HELQ: variants seen among roughly 807,000 people sequenced by gnomAD.
HELQ encodes the protein helicase POLQ-like.
Under a neutral mutation model 111.6 loss-of-function variants are expected in HELQ, and 77 were observed. That is an observed-to-expected ratio of 0.69 (90% CI 0.57 to 0.83). HELQ has a LOEUF of 0.83. Among genes scored for constraint, HELQ ranks in the 40% least tolerant of loss-of-function variants. The pLI is 0.00. For synonymous variants in HELQ, 438 were observed against 454.7 expected (o/e 0.96, Z 0.47); for missense variants, 1,200 against 1,288.5 (o/e 0.93, Z 1.05).
intron 9 of HELQ, among the ~76,000 whole-genome samples, chr4:83,434,618 A>T (rs1029671968): frequency 6.6e-6 from 1 of 151,836 alleles, no homozygotes; most frequent in Non-Finnish European, 1.5e-5. Flanking sequence ...GTATGCCACC[A>T]TGCCCAGCTA....
chr4:83,439,219 C>A (rs1720629202), intron 8 of HELQ, among the ~76,000 whole-genome samples: 2 of 152,006 alleles, frequency 1.3e-5, no homozygotes, highest in African/African-American at 4.8e-5. Context: ...AGGTGCACGC[C>A]ACCACACCCA....
chr4:83,455,844 A>G, upstream of HELQ: 1 of 820,638 alleles, frequency 1.2e-6, no homozygotes, highest in Non-Finnish European at 1.9e-6. Context: ...GACCGGAAGC[A>G]CGCATAAACT....
At position 83,427,249 on chromosome 4, in the gene HELQ, A is replaced by G. The variant is rs184913298; in HGVS notation, c.2676+314T>C. ...TAAGAGAAAAGTAACATTAAAGTTA[A>G]ACGAACCATAAATGCTGTTGCCAGA... is the stretch of plus-strand genomic sequence containing the variant. On this transcript the variant is annotated intron_variant, in intron 13 of 17. Transcript: ENST00000295488. Among the ~76,000 whole-genome samples, 777 of 152,314 alleles carry G rather than the reference A, an allele frequency of 5.1e-3. 8 individuals are homozygous for G. The highest frequency in any genetic ancestry group is 0.036 in the South Asian group (173 of 4,828).
intron 7 of HELQ, 48 bp from the exon 8 acceptor site, chr4:83,440,056 C>A (rs745974705): frequency 2.2e-5 from 33 of 1,474,106 alleles, no homozygotes; most frequent in Non-Finnish European, 3.1e-5. Flanking sequence ...AAACATGAAA[C>A]CCTGTCAATT....
chr4:83,429,644 C>T lies in HELQ; in HGVS notation c.2398G>A (p.Val800Ile). Residue 800 changes from valine to isoleucine, a missense_variant, in exon 12 of 18, where the codon GTT becomes ATT. Physicochemically the swap from Val to Ile is conservative, Grantham distance 29. This residue lies in a region of HELQ where 585 missense variants were observed against 665.3 expected (regional missense o/e 0.88). Transcript: ENST00000295488. ...LKEKSLWEITVESLRYLTEKG... is the reference protein window; with the variant it reads ...LKEKSLWEITIESLRYLTEKG... ...TCTGTCAGGTATCTAAGTGATTCAACAGTTATTTCCCAGAGACTTTTTTCT... is the reference window on the plus strand; with the variant it reads ...TCTGTCAGGTATCTAAGTGATTCAATAGTTATTTCCCAGAGACTTTTTTCT... 1 of 1,612,788 alleles carries T rather than the reference C, an allele frequency of 6.2e-7. No individual in the cohort carries two copies. Among genetic ancestry groups the T allele is most frequent in the Non-Finnish European group, 8.5e-7 (1 of 1,178,994 alleles).
chr4:83,425,467 T>G (rs534055816), intron 14 of HELQ, among the ~76,000 whole-genome samples: 1 of 152,218 alleles, frequency 6.6e-6, no homozygotes, highest in Non-Finnish European at 1.5e-5. Context: ...AGTTAGTGTA[T>G]GCATTTGATA....
intron 15 of HELQ, among the ~76,000 whole-genome samples, chr4:83,418,666 G>A (rs1405185496): frequency 6.6e-6 from 1 of 152,110 alleles, no homozygotes; most frequent in Non-Finnish European, 1.5e-5. Context: ...GGGTAAATGG[G>A]AATTCAATAT....
rs774592312 is a variant in HELQ at position 83,416,703 on chromosome 4, A to G, written c.3198+28T>C. 9 of 1,607,308 alleles carry G rather than the reference A, an allele frequency of 5.6e-6. No homozygotes were observed. In the South Asian group the frequency reaches 1.0e-4, roughly 18 times the overall value. On this transcript the variant is annotated intron_variant, in intron 17 of 17. Coordinates refer to ENST00000295488, the MANE Select transcript of HELQ (RefSeq NM_133636.5). ...GGAAATAACACTACGCAAGATTATT[A>G]AGGTTAAAAAATGGTTTGTTTGCTT...
At chr4:83,451,650 C>T (rs951378059) in intron 2 of HELQ, among the ~76,000 whole-genome samples, 5 of 149,600 alleles carry the variant, frequency 3.3e-5, no homozygotes, top group South Asian at 2.1e-4. Flanking sequence ...GGGCAACACG[C>T]GAGACTCCGT....
In HELQ at chr4:83,429,572, C is replaced by T. The variant is rs1271886793; in HGVS notation, c.2470G>A (p.Val824Ile). 2.5e-6 allele frequency: 4 copies of T among 1,612,106 alleles called. No homozygotes were observed. Among genetic ancestry groups the T allele is most frequent in the Non-Finnish European group, 2.5e-6 (3 of 1,179,078 alleles). The change falls in exon 12 of 18, where the codon GTC (valine) becomes ATC (isoleucine). Residue 824 changes from valine to isoleucine, a missense_variant. Around this residue, in one of 3 missense-constraint regions of HELQ, gnomAD observed 585 missense variants for 665.3 expected, o/e 0.88. Coordinates refer to ENST00000295488, the MANE Select transcript of HELQ (RefSeq NM_133636.5). ...TTTGTAATATGAAAATTATATTGGACCTCTTCTTCAGACTTATAAATAGTG... is the reference window on the plus strand; with the variant it reads ...TTTGTAATATGAAAATTATATTGGATCTCTTCTTCAGACTTATAAATAGTG... ...KDTIYKSEEE[V>I]QYNFHITKLG... is the part of the protein sequence containing the mutation.
rs778403192 is a variant in HELQ at position 83,446,883 on chromosome 4, C to A, written c.1344G>T (p.Leu448Phe). Residue 448 changes from leucine (L) to phenylalanine (F), a missense_variant, in exon 4 of 18, where the codon TTG becomes TTT. Leu to Phe is a conservative substitution (Grantham distance 22, BLOSUM62 0). Coordinates refer to ENST00000295488, the MANE Select transcript of HELQ (RefSeq NM_133636.5). Reference sequence around the variant, plus strand: ...GACTGTCAATTCTTCCAGTTTCAATCAAGGAGTTCACCAAGCTATGTCCTT... The same window carrying A: ...GACTGTCAATTCTTCCAGTTTCAATAAAGGAGTTCACCAAGCTATGTCCTT... The part of the protein sequence containing the change: ...IEKGHSLVNS[L>F]IETGRIDSLG... 3.1e-6 allele frequency: 5 copies of A among 1,613,846 alleles called. No homozygotes were observed. The Admixed American group carries it at 8.3e-5, about 27-fold the overall frequency.
intron 9 of HELQ, among the ~76,000 whole-genome samples, chr4:83,434,915 G>A (rs2109992417): frequency 6.6e-6 from 1 of 152,002 alleles, no homozygotes; most frequent in East Asian, 1.9e-4. Context: ...CAGAGATAAT[G>A]GGAAGAAAAA....
chr4:83,418,381 C>T (rs112499444), intron 15 of HELQ, among the ~76,000 whole-genome samples, 175 bp from the exon 16 acceptor site: 1 of 151,828 alleles, frequency 6.6e-6, no homozygotes, highest in Non-Finnish European at 1.5e-5. Flanking sequence ...TGGGGAGGAC[C>T]CTGAGGAATT....
At chr4:83,427,510 A>C in intron 13 of HELQ, 53 bp downstream of exon 13, 1 of 1,388,522 alleles carries the variant, frequency 7.2e-7, no homozygotes. Flanking sequence ...ACAAAACAGC[A>C]TGTAATAATT....
At chr4:83,429,967 C>T (rs1720052581) in intron 11 of HELQ, among the ~76,000 whole-genome samples, 1 of 151,728 alleles carries the variant, frequency 6.6e-6, no homozygotes, top group Non-Finnish European at 1.5e-5. Flanking sequence ...TTTATGAAAA[C>T]ATGTACTCAT....
At chr4:83,452,785 C>A (rs1347833103) in intron 2 of HELQ, among the ~76,000 whole-genome samples, 1 of 152,132 alleles carries the variant, frequency 6.6e-6, no homozygotes, top group Non-Finnish European at 1.5e-5. Flanking sequence ...TGTGTTTAGA[C>A]GTCTCAGTCA....
rs965766536 is a variant in HELQ, at chr4:83,432,167, C to T, written c.2149G>A (p.Gly717Arg). The T allele has an allele frequency of 6.2e-7, 1 of 1,600,960 alleles. No homozygotes were observed. Among genetic ancestry groups the T allele is most frequent in the Non-Finnish European group, 8.5e-7 (1 of 1,173,602 alleles). Reference protein sequence around the residue: ...RAGRAGIDTIGESILILQEKD... With the variant: ...RAGRAGIDTIRESILILQEKD... ...TCTTGCAATATGAGGATACTCTCCC[C>T]AATAGTATCTATTCCAGCACGACCA... The change falls in exon 10 of 18, where the codon GGG becomes AGG. Residue 717 changes from glycine (G) to arginine (R), a missense_variant. Gly to Arg is a moderately radical substitution (Grantham distance 125, BLOSUM62 -2). Around this residue, in one of 3 missense-constraint regions of HELQ, gnomAD observed 585 missense variants for 665.3 expected, o/e 0.88. Coordinates refer to ENST00000295488, the MANE Select transcript of HELQ (RefSeq NM_133636.5).
intron 15 of HELQ, among the ~76,000 whole-genome samples, chr4:83,418,516 A>G (rs1739481403): frequency 6.6e-6 from 1 of 152,254 alleles, no homozygotes; most frequent in South Asian, 2.1e-4. Context: ...CCAAGTGACT[A>G]AAAACAATTC....
At chr4:83,418,302 A>C in intron 15 of HELQ, 96 bp from the exon 16 acceptor site, 1 of 602,392 alleles carries the variant, frequency 1.7e-6, no homozygotes, top group Non-Finnish European at 2.9e-6. Context: ...TGTTCCTTAC[A>C]TAAGTTCTGG....
Sources: allele counts gnomAD v4.1 joint callset (sites outside exome capture counted in the v4.1 genomes callset), GRCh38; gene constraint gnomAD v4.1.1; regional missense constraint gnomAD v4.1.1; transcripts MANE v1.5; gene names NCBI Gene and HGNC (gene_info 2026-07-23, HGNC 2026-07-21).